The following DCLK2 variants were observed in gnomAD, a reference collection of about 807,000 sequenced individuals.
The protein encoded by DCLK2 is serine/threonine-protein kinase DCLK2.
In DCLK2, 31 loss-of-function variants were observed where a neutral mutation model predicts 78.4. That is an observed-to-expected ratio of 0.40 (90% CI 0.30 to 0.53). The LOEUF is 0.53. Among genes scored for constraint, DCLK2 ranks in the 20% least tolerant of loss-of-function variants. The pLI is 0.61. For synonymous variants in DCLK2, 407 were observed against 374.9 expected (o/e 1.09, Z -0.99); for missense variants, 872 against 973.7 (o/e 0.90, Z 1.39).
At chr4:150,186,361 A>G (rs1192986822) in intron 2 of DCLK2, among the ~76,000 whole-genome samples, 1 of 152,250 alleles carries the variant, frequency 6.6e-6, no homozygotes, top group African/African-American at 2.4e-5. Flanking sequence ...AAACATAGAA[A>G]AATTATCTTA....
At chr4:150,170,670 C>T (rs1213505890) in intron 2 of DCLK2, among the ~76,000 whole-genome samples, 2 of 152,174 alleles carry the variant, frequency 1.3e-5, no homozygotes, top group African/African-American at 4.8e-5. Context: ...ATCTTCCTTT[C>T]CCCTAGGGGG....
chr4:150,168,746 C>T (rs1736288643), intron 2 of DCLK2, among the ~76,000 whole-genome samples: 1 of 152,182 alleles, frequency 6.6e-6, no homozygotes, highest in Non-Finnish European at 1.5e-5. Context: ...GGCAGTGACA[C>T]TTAGCATTGC....
intron 2 of DCLK2, among the ~76,000 whole-genome samples, chr4:150,171,251 C>T (rs907574295): frequency 2.3e-4 from 35 of 152,132 alleles, no homozygotes; most frequent in African/African-American, 4.6e-4. Flanking sequence ...GAGGCCGAGG[C>T]GGGTGAATCA....
intron 5 of DCLK2, among the ~76,000 whole-genome samples, chr4:150,214,953 C>CAAAAAAAAAAA (rs60156550): frequency 3.5e-5 from 3 of 86,472 alleles, no homozygotes; most frequent in Non-Finnish European, 2.3e-5. Flanking sequence ...CAGAGTGTCT[C>CAAAAAAAAAAA]AAAAAAAAAA....
chr4:150,090,717 C>A lies in DCLK2; in HGVS notation c.421+11269C>A, dbSNP rs1580479638. 3.9e-5 allele frequency among the ~76,000 whole-genome samples: 6 copies of A among 152,118 alleles called. 1 individual carries two copies. Among genetic ancestry groups the A allele is most frequent in the Admixed American group, 3.9e-4 (6 of 15,294 alleles). On this transcript the variant is annotated intron_variant, in intron 1 of 15. Transcript: ENST00000296550. ...GCTAAAACATGGATTTGTGGACATA[C>A]CTATTTCTTCATAGATATTCGTAGG... is the stretch of plus-strand genomic sequence containing the variant.
At chr4:150,137,270 CTCA>C (rs538872079) in intron 2 of DCLK2, among the ~76,000 whole-genome samples, 260 of 152,288 alleles carry the variant, frequency 1.7e-3, no homozygotes, top group African/African-American at 4.1e-3. Flanking sequence ...CCACATGTCT[CTCA>C]TCCTGCTTCC....
chr4:150,180,001 C>T (rs777468413), intron 2 of DCLK2, among the ~76,000 whole-genome samples: 1 of 152,036 alleles, frequency 6.6e-6, no homozygotes, highest in African/African-American at 2.4e-5. Context: ...TCATTTACTC[C>T]ATAAAAGTAA....
chr4:150,093,860 G>T (rs1730273387), intron 1 of DCLK2, among the ~76,000 whole-genome samples: 1 of 152,036 alleles, frequency 6.6e-6, no homozygotes, highest in South Asian at 2.1e-4. Context: ...CATAAAAACA[G>T]ACACATGGAA....
At chr4:150,255,345 T>C (rs1349309864) in intron 15 of DCLK2, among the ~76,000 whole-genome samples, 1 of 152,196 alleles carries the variant, frequency 6.6e-6, no homozygotes, top group Non-Finnish European at 1.5e-5. Flanking sequence ...CGGGGTCCCT[T>C]CCCCAGCCAG....
intron 4 of DCLK2, 68 bp from the exon 5 acceptor site, chr4:150,203,727 G>A: frequency 3.1e-6 from 4 of 1,295,870 alleles, no homozygotes; most frequent in Non-Finnish European, 4.5e-6. Context: ...TGCACCTAGT[G>A]TATTTATACA....
intron 12 of DCLK2, 144 bp from the exon 13 acceptor site, chr4:150,247,459 G>A: frequency 3.3e-6 from 2 of 609,044 alleles, no homozygotes; most frequent in Non-Finnish European, 5.8e-6. Flanking sequence ...CATTACAAAT[G>A]GAATTGAGAT....
intron 2 of DCLK2, among the ~76,000 whole-genome samples, chr4:150,137,051 AG>A (rs1328332545): frequency 7.8e-6 from 1 of 127,796 alleles, no homozygotes; most frequent in African/African-American, 3.0e-5. Flanking sequence ...GTGCAGTCAT[AG>A]CTCACTGCAG....
rs1188021639 is a variant in DCLK2, at chr4:150,220,789, G to A, written c.1132+11G>A. The A allele has an allele frequency of 6.2e-7, 1 of 1,607,556 alleles. No individual in the cohort carries two copies. Among genetic ancestry groups the A allele is most frequent in the South Asian group, 1.1e-5 (1 of 90,408 alleles). ...GCATAAGTCCTGAAGGTAGTTCTCA[G>A]TCTGATCATTACTTTGATAAAGGAA... is the stretch of plus-strand genomic sequence containing the variant. On this transcript the variant is annotated intron_variant, in intron 6 of 15. Coordinates refer to ENST00000296550, the MANE Select transcript of DCLK2 (RefSeq NM_001040260.4).
At chr4:150,146,147 C>T (rs1734453991) in intron 2 of DCLK2, among the ~76,000 whole-genome samples, 1 of 152,156 alleles carries the variant, frequency 6.6e-6, no homozygotes, top group South Asian at 2.1e-4. Flanking sequence ...AAATACCTCA[C>T]CCAAGAAAGT....
chr4:150,123,876 A>G lies in DCLK2; in HGVS notation c.756+21064A>G, dbSNP rs114147941. On this transcript the variant is annotated intron_variant, in intron 2 of 15. Coordinates refer to ENST00000296550, the MANE Select transcript of DCLK2 (RefSeq NM_001040260.4). ...GGGCAATTAGTGAGACCTCATCTCT[A>G]CAAAAAATTAAAAAGTAGCCGGGTG... 9.1e-3 allele frequency among the ~76,000 whole-genome samples: 1,391 copies of G among 152,232 alleles called. 32 individuals carry two copies. Among genetic ancestry groups the G allele is most frequent in the African/African-American group, 0.032 (1,321 of 41,534 alleles).
In DCLK2 at chr4:150,209,539, G is replaced by A. The variant is rs1288944507; in HGVS notation, c.1056+5650G>A. Reference sequence around the variant, plus strand: ...ATTCTAGTTAAGCTAAGGGTAACCAGGATAAAAGTCTTGGTCTGCTTTGGC... The same window carrying A: ...ATTCTAGTTAAGCTAAGGGTAACCAAGATAAAAGTCTTGGTCTGCTTTGGC... On this transcript the variant is annotated intron_variant, in intron 5 of 15. Transcript: ENST00000296550. Among the ~76,000 whole-genome samples, 5 of 152,298 alleles carry A rather than the reference G, an allele frequency of 3.3e-5. 1 individual carries two copies. Among genetic ancestry groups the A allele is most frequent in the African/African-American group, 1.2e-4 (5 of 41,566 alleles).
At chr4:150,212,223 G>A (rs1580726622) in intron 5 of DCLK2, among the ~76,000 whole-genome samples, 1 of 152,192 alleles carries the variant, frequency 6.6e-6, no homozygotes, top group Non-Finnish European at 1.5e-5. Context: ...ACTGTCTGAT[G>A]TGCTGATATT....
At chr4:150,205,264 G>A (rs1739767192) in intron 5 of DCLK2, among the ~76,000 whole-genome samples, 1 of 152,154 alleles carries the variant, frequency 6.6e-6, no homozygotes, top group African/African-American at 2.4e-5. Context: ...AGAACGTTTT[G>A]TTCTCCAATT....
At chr4:150,199,395 A>G (rs964121316) in intron 4 of DCLK2, among the ~76,000 whole-genome samples, 2 of 152,168 alleles carry the variant, frequency 1.3e-5, no homozygotes, top group Non-Finnish European at 2.9e-5. Context: ...AAAAGGCTGA[A>G]GTTTGTTGGT....
Sources: gnomAD v4.1 joint callset for allele counts (sites outside exome capture counted in the v4.1 genomes callset) on GRCh38, gnomAD v4.1.1 for gene constraint, MANE v1.5 for transcripts, NCBI Gene and HGNC (gene_info 2026-07-23, HGNC 2026-07-21) for gene names.